CAPZB: variants seen among roughly 807,000 people sequenced by gnomAD.
The protein encoded by CAPZB is capping actin protein of muscle Z-line subunit beta.
A neutral mutation model predicts 38.1 loss-of-function variants in CAPZB; 2 were observed. The ratio of observed to expected loss-of-function variants is 0.05; its 90% CI spans 0.02 to 0.17. The LOEUF is 0.17. Among genes scored for constraint, CAPZB ranks in the 10% least tolerant of loss-of-function variants. The pLI, the probability that CAPZB is intolerant of heterozygous loss-of-function variation, is 1.00. For synonymous variants in CAPZB, 107 were observed against 127.4 expected (o/e 0.84, Z 1.08); for missense variants, 161 against 334.2 (o/e 0.48, Z 4.04).
chr1:19,380,545 G>A (rs2094168768), intron 3 of CAPZB, among the ~76,000 whole-genome samples: 1 of 152,240 alleles, frequency 6.6e-6, no homozygotes, highest in Admixed American at 6.5e-5. Flanking sequence ...GGGCTGACCT[G>A]TCAGTTCTTG....
rs2093914371 is a variant in CAPZB, at chr1:19,339,216, GCAGA to G, written c.*310_*313del. 5.4e-6 allele frequency: 2 copies of G among 369,048 alleles called. No individual in the cohort carries two copies. The highest frequency in any genetic ancestry group is 9.9e-6 in the Non-Finnish European group (2 of 202,284). The allele number at this position is 369,048 out of a possible 1,614,324, so 22.9% of individuals were successfully genotyped here. A position where few individuals can be genotyped will look rare whatever the true frequency, so the allele number is the denominator to read the frequency against. On this transcript the variant is annotated 3_prime_UTR_variant, in exon 9 of 9. Coordinates refer to ENST00000264202, the MANE Select transcript of CAPZB (RefSeq NM_004930.5). ...AAAAGGTGGGAGGGAAGGGAGGCTGGCAGACAGTGGATTTTATGCCTATAAATGG... is the reference window on the plus strand; with the variant it reads ...AAAAGGTGGGAGGGAAGGGAGGCTGGCAGTGGATTTTATGCCTATAAATGG...
At chr1:19,456,890 C>A (rs1201188089) in intron 1 of CAPZB, among the ~76,000 whole-genome samples, 1 of 152,200 alleles carries the variant, frequency 6.6e-6, no homozygotes, top group Non-Finnish European at 1.5e-5. Context: ...TCCTCCAGGA[C>A]AGAAGATGGT....
intron 1 of CAPZB, among the ~76,000 whole-genome samples, chr1:19,429,204 C>T (rs1346378491): frequency 6.6e-6 from 1 of 151,916 alleles, no homozygotes; most frequent in East Asian, 1.9e-4. Flanking sequence ...GTCAGCTACA[C>T]TTCCTCAACT....
At chr1:19,394,910 ACG>A (rs1259365833) in intron 2 of CAPZB, among the ~76,000 whole-genome samples, 2 of 152,100 alleles carry the variant, frequency 1.3e-5, no homozygotes, top group African/African-American at 4.8e-5. Context: ...CTAGCGATGC[ACG>A]GTCTGATCCT....
chr1:19,408,586 G>A (rs2094343693), intron 2 of CAPZB, among the ~76,000 whole-genome samples: 1 of 152,234 alleles, frequency 6.6e-6, no homozygotes, highest in African/African-American at 2.4e-5. Flanking sequence ...GAGAGAAACT[G>A]AGGTCTCTTC....
chr1:19,357,613 C>T lies in CAPZB; in HGVS notation c.330-50G>A. On this transcript the variant is annotated intron_variant, in intron 4 of 8. Transcript: ENST00000264202. The surrounding 1 kb of genome is among the most constrained non-coding windows in gnomAD (Gnocchi z 4.3). ...TGTTAGATGCTAAAGGACAGATCAT[C>T]AGCCTGGGTCCCAGGCTGCTGCTCA... is the stretch of plus-strand genomic sequence containing the variant. The T allele has an allele frequency of 1.3e-6, 2 of 1,598,804 alleles. No homozygotes were observed. Among genetic ancestry groups the T allele is most frequent in the South Asian group, 1.1e-5 (1 of 90,420 alleles).
intron 2 of CAPZB, among the ~76,000 whole-genome samples, chr1:19,417,658 TCA>T (rs1319222452): frequency 6.6e-6 from 1 of 152,146 alleles, no homozygotes; most frequent in African/African-American, 2.4e-5. Flanking sequence ...CAAGGTCTCC[TCA>T]CTTTCAAGGA....
intron 4 of CAPZB, among the ~76,000 whole-genome samples, chr1:19,373,063 C>A (rs1372129804): frequency 6.6e-6 from 1 of 152,174 alleles, no homozygotes; most frequent in Admixed American, 6.5e-5. Context: ...GTGACAGTTA[C>A]TCTCCTAGGG....
chr1:19,376,972 G>A (rs1232360345), intron 4 of CAPZB, among the ~76,000 whole-genome samples: 1 of 152,198 alleles, frequency 6.6e-6, no homozygotes, highest in Non-Finnish European at 1.5e-5. Flanking sequence ...CTCTCTCATG[G>A]GTTCTTGTGA....
intron 2 of CAPZB, among the ~76,000 whole-genome samples, chr1:19,389,236 C>T (rs1341174130): frequency 2.0e-5 from 3 of 152,142 alleles, no homozygotes; most frequent in African/African-American, 7.2e-5. Context: ...TCCACCTCTG[C>T]CCGAAACTCC....
intron 1 of CAPZB, among the ~76,000 whole-genome samples, chr1:19,467,964 G>A (rs532239492): frequency 1.3e-5 from 2 of 152,266 alleles, no homozygotes; most frequent in Admixed American, 6.5e-5. Flanking sequence ...TCAGCCAGGC[G>A]CAGTGGCTCA....
At chr1:19,449,072 G>A (rs1546264) in intron 1 of CAPZB, 322,372 of 1,447,268 alleles carry the variant, frequency 0.22, 37,456 homozygotes, top group South Asian at 0.29. Flanking sequence ...CCAAGCAGCT[G>A]GCCAGATGGT....
At chr1:19,401,656 T>C (rs1325569344) in intron 2 of CAPZB, among the ~76,000 whole-genome samples, 1 of 152,210 alleles carries the variant, frequency 6.6e-6, no homozygotes, top group Non-Finnish European at 1.5e-5. Context: ...GCTCTTCTGG[T>C]GTTTTAAGGC....
chr1:19,455,153 G>A (rs2094528999), intron 1 of CAPZB, among the ~76,000 whole-genome samples: 1 of 152,198 alleles, frequency 6.6e-6, no homozygotes, highest in South Asian at 2.1e-4. Context: ...GACAATTCAT[G>A]CCTCCCGTCC....
intron 6 of CAPZB, 112 bp from the exon 7 acceptor site, chr1:19,345,364 GC>G: frequency 1.2e-6 from 1 of 860,566 alleles, no homozygotes; most frequent in Non-Finnish European, 1.9e-6. Flanking sequence ...CCACCGTGGA[GC>G]CAGCTGCAGG....
intron 2 of CAPZB, among the ~76,000 whole-genome samples, chr1:19,406,826 A>G (rs881247): frequency 0.23 from 34,672 of 152,124 alleles, 4,323 homozygotes; most frequent in East Asian, 0.46. Context: ...CAAGTTTGAC[A>G]TGACCTCAGA....
intron 1 of CAPZB, among the ~76,000 whole-genome samples, chr1:19,432,324 C>G (rs2094445009): frequency 6.6e-6 from 1 of 151,950 alleles, no homozygotes; most frequent in African/African-American, 2.4e-5. Context: ...TGCCTGTAGT[C>G]CTAGCTACCC....
intron 1 of CAPZB, among the ~76,000 whole-genome samples, chr1:19,442,009 C>CAAAAAAAAA (rs11384902): frequency 7.0e-5 from 6 of 86,032 alleles, no homozygotes; most frequent in East Asian, 3.4e-4. Context: ...ACTCTGTCTC[C>CAAAAAAAAA]AAAAAAAAAA....
chr1:19,421,734 C>A (rs2094401881), intron 1 of CAPZB, among the ~76,000 whole-genome samples: 1 of 152,132 alleles, frequency 6.6e-6, no homozygotes, highest in Admixed American at 6.5e-5. Context: ...TAACTTATGG[C>A]CTTGGGTGGG....
Sources: gnomAD v4.1 joint callset for allele counts (sites outside exome capture counted in the v4.1 genomes callset) on GRCh38, gnomAD v4.1.1 for gene constraint, Gnocchi (gnomAD v3.1) non-coding constraint, MANE v1.5 for transcripts, NCBI Gene and HGNC (gene_info 2026-07-23, HGNC 2026-07-21) for gene names.